The following ZNF438 variants were observed in gnomAD, a reference collection of about 807,000 sequenced individuals.
The protein encoded by ZNF438 is zinc finger protein 438.
ZNF438 carries 25 observed loss-of-function variants against 38.0 expected under a neutral mutation model. The observed-to-expected ratio is 0.66, with a 90% CI of 0.48 to 0.92. The LOEUF (loss-of-function observed/expected upper bound fraction) is 0.92, where lower values mean the gene tolerates loss of function less well. Ranked by LOEUF, ZNF438 falls within the 40% of genes least tolerant of loss-of-function variation. The pLI, the probability that ZNF438 is intolerant of heterozygous loss-of-function variation, is 0.00. For missense variants in ZNF438, 1,007 were observed against 999.6 expected, an observed-to-expected ratio of 1.01 and a Z score of -0.10; for synonymous variants, 372 against 364.1, an observed-to-expected ratio of 1.02 and a Z score of -0.25.
chr10:30,900,546 A>AT (rs958481211), intron 3 of ZNF438, among the ~76,000 whole-genome samples: 1 of 152,254 alleles, frequency 6.6e-6, no homozygotes. Flanking sequence ...TGTTCTAAGC[A>AT]TTAAGTATAC....
At chr10:30,993,573 T>A (rs1158231092) in intron 1 of ZNF438, among the ~76,000 whole-genome samples, 1 of 152,254 alleles carries the variant, frequency 6.6e-6, no homozygotes, top group African/African-American at 2.4e-5. Context: ...CCAAAAAGAC[T>A]GGTGCCCTGG....
At position 30,960,645 on chromosome 10, in the gene ZNF438, G is replaced by A. The variant is rs572005118; in HGVS notation, c.-191-18994C>T. ...GCTTATCCTATGCCACGGCCACGTTGTCCTGAATACTGTCACCTTAGATTG... is the reference window on the plus strand; with the variant it reads ...GCTTATCCTATGCCACGGCCACGTTATCCTGAATACTGTCACCTTAGATTG... On this transcript the variant is annotated intron_variant, in intron 1 of 5. Transcript: ENST00000413025. Among the ~76,000 whole-genome samples, 10 of 146,726 alleles carry A rather than the reference G, an allele frequency of 6.8e-5. No homozygotes were observed. The South Asian group carries it at 2.2e-3, about 32-fold the overall frequency.
At chr10:31,026,711 T>C (rs1373593239) in intron 1 of ZNF438, among the ~76,000 whole-genome samples, 1 of 152,054 alleles carries the variant, frequency 6.6e-6, no homozygotes, top group East Asian at 1.9e-4. Flanking sequence ...GAACTAGAAA[T>C]ACCATTTGGC....
intron 3 of ZNF438, among the ~76,000 whole-genome samples, chr10:30,890,000 C>T (rs1407358392): frequency 1.4e-5 from 2 of 139,466 alleles, no homozygotes; most frequent in African/African-American, 2.7e-5. Flanking sequence ...AAAAATTACT[C>T]AAAAAACAGC....
intron 1 of ZNF438, among the ~76,000 whole-genome samples, chr10:31,001,493 A>G (rs2054656358): frequency 6.6e-6 from 1 of 152,190 alleles, no homozygotes; most frequent in African/African-American, 2.4e-5. Flanking sequence ...GTTAATTCTG[A>G]TGAGAAGAGA....
intron 3 of ZNF438, among the ~76,000 whole-genome samples, chr10:30,903,100 GC>G (rs1306788645): frequency 6.6e-6 from 1 of 152,144 alleles, no homozygotes; most frequent in Admixed American, 6.5e-5. Context: ...CCAGTGCGGG[GC>G]CCGCCAAGCC....
At chr10:30,914,735 A>T (rs988592393) in intron 2 of ZNF438, among the ~76,000 whole-genome samples, 1 of 152,024 alleles carries the variant, frequency 6.6e-6, no homozygotes, top group Non-Finnish European at 1.5e-5. Context: ...CAGTTTCTTC[A>T]TGTTCTACCT....
intron 1 of ZNF438, among the ~76,000 whole-genome samples, chr10:30,987,278 C>T (rs2052925377): frequency 6.7e-6 from 1 of 149,762 alleles, no homozygotes; most frequent in South Asian, 2.1e-4. Flanking sequence ...TGTGATCACA[C>T]CATTGCACTT....
At chr10:30,899,782 TTTAA>T (rs1362931584) in intron 3 of ZNF438, among the ~76,000 whole-genome samples, 1 of 151,808 alleles carries the variant, frequency 6.6e-6, no homozygotes, top group Admixed American at 6.6e-5. Flanking sequence ...TCTACTAGAG[TTTAA>T]TTAACTCTAC....
intron 1 of ZNF438, among the ~76,000 whole-genome samples, chr10:30,986,732 C>T (rs1010527113): frequency 3.3e-5 from 5 of 152,134 alleles, no homozygotes; most frequent in African/African-American, 1.2e-4. Context: ...ATGAGTATTT[C>T]ATTTGCGCAT....
chr10:30,878,988 A>C (rs2038858465), intron 3 of ZNF438, among the ~76,000 whole-genome samples: 1 of 152,192 alleles, frequency 6.6e-6, no homozygotes, highest in Admixed American at 6.5e-5. Flanking sequence ...TATTGAAACA[A>C]CTGCGATGAG....
chr10:30,936,460 G>GGTC (rs1252022586), intron 2 of ZNF438, among the ~76,000 whole-genome samples: 1 of 152,054 alleles, frequency 6.6e-6, no homozygotes, highest in Non-Finnish European at 1.5e-5. Flanking sequence ...GATCACCTGA[G>GGTC]GTCAGGAGTT....
chr10:30,931,666 C>G (rs1023574123), intron 2 of ZNF438, among the ~76,000 whole-genome samples: 1 of 152,138 alleles, frequency 6.6e-6, no homozygotes, highest in African/African-American at 2.4e-5. Flanking sequence ...TATGTATACT[C>G]TATAGTACGA....
chr10:30,889,671 G>A (rs1379720067), intron 3 of ZNF438, among the ~76,000 whole-genome samples: 1 of 152,192 alleles, frequency 6.6e-6, no homozygotes, highest in African/African-American at 2.4e-5. Flanking sequence ...CTCCCGAAGT[G>A]CTAGGATTAT....
At chr10:30,846,818 C>A (rs2032258379) in intron 5 of ZNF438, among the ~76,000 whole-genome samples, 2 of 152,196 alleles carry the variant, frequency 1.3e-5, no homozygotes, top group Non-Finnish European at 1.5e-5. Context: ...CCCCCACGGG[C>A]TCAAGAAGCA....
At chr10:30,964,280 T>C (rs553031176) in intron 1 of ZNF438, among the ~76,000 whole-genome samples, 1 of 152,340 alleles carries the variant, frequency 6.6e-6, no homozygotes, top group East Asian at 1.9e-4. Flanking sequence ...TTTAATGCCC[T>C]ATTCAAGCTT....
intron 4 of ZNF438, among the ~76,000 whole-genome samples, chr10:30,874,147 T>TATATACATAC (rs1564541526): frequency 2.6e-5 from 2 of 76,844 alleles, no homozygotes; most frequent in African/African-American, 1.5e-4. Flanking sequence ...TATATATATA[T>TATATACATAC]ATATATATAT....
chr10:30,946,707 T>A (rs973612674), intron 1 of ZNF438, among the ~76,000 whole-genome samples: 9 of 152,246 alleles, frequency 5.9e-5, no homozygotes, highest in African/African-American at 1.9e-4. Context: ...TTTAGATCAT[T>A]TAAACTTAAT....
At chr10:30,901,186 T>A (rs973189162) in intron 3 of ZNF438, among the ~76,000 whole-genome samples, 70 of 152,236 alleles carry the variant, frequency 4.6e-4, no homozygotes, top group African/African-American at 1.5e-3. Context: ...TCCCATGAGA[T>A]CTTTAGCGGT....
Sources: gnomAD v4.1 joint callset for allele counts (sites outside exome capture counted in the v4.1 genomes callset) on GRCh38, gnomAD v4.1.1 for gene constraint, MANE v1.5 for transcripts, NCBI Gene and HGNC (gene_info 2026-07-23, HGNC 2026-07-21) for gene names.